Variants in WDR27 observed in about 807,000 individuals in gnomAD.
WDR27 encodes the protein WD repeat-containing protein 27.
WDR27 carries 100 observed loss-of-function variants against 114.4 expected under a neutral mutation model. That is an observed-to-expected ratio of 0.87 (90% confidence interval 0.74 to 1.03). The LOEUF (loss-of-function observed/expected upper bound fraction) is 1.03, where lower values mean the gene tolerates loss of function less well. Ranked by LOEUF, WDR27 falls within the 50% of genes least tolerant of loss-of-function variation. WDR27 has a pLI of 0.00. For missense variants in WDR27, 1,129 were observed against 1,092.9 expected, an observed-to-expected ratio of 1.03 and a Z score of -0.47; for synonymous variants, 449 against 423.1, an observed-to-expected ratio of 1.06 and a Z score of -0.75.
chr6:169,581,471 G>A (rs1484453423), intron 24 of WDR27, among the ~76,000 whole-genome samples: 1 of 152,216 alleles, frequency 6.6e-6, no homozygotes, highest in East Asian at 1.9e-4. Flanking sequence ...TGGAATAGGT[G>A]ATGGCACAAA....
At chr6:169,593,710 G>A (rs962328178) in intron 23 of WDR27, among the ~76,000 whole-genome samples, 4 of 152,170 alleles carry the variant, frequency 2.6e-5, no homozygotes, top group Admixed American at 1.3e-4. Context: ...ATAGCTGGGC[G>A]TGGTGGCGGG....
chr6:169,679,380 T>C (rs548110135), intron 2 of WDR27, among the ~76,000 whole-genome samples: 19 of 152,278 alleles, frequency 1.2e-4, no homozygotes, highest in East Asian at 3.9e-4. Context: ...AAGACATGAT[T>C]ATATTTTGCA....
intron 25 of WDR27, among the ~76,000 whole-genome samples, chr6:169,519,551 C>G (rs539671413): frequency 6.6e-6 from 1 of 152,070 alleles, no homozygotes; most frequent in South Asian, 2.1e-4. Context: ...ACTTAAACAA[C>G]CAGATCTCAT....
At chr6:169,635,805 A>G (rs1454106146) in intron 19 of WDR27, among the ~76,000 whole-genome samples, 1 of 152,232 alleles carries the variant, frequency 6.6e-6, no homozygotes, top group East Asian at 1.9e-4. Context: ...ATAAAATGAC[A>G]TGAATACACA....
At chr6:169,538,713 C>T (rs1387121322) in intron 25 of WDR27, among the ~76,000 whole-genome samples, 2 of 150,910 alleles carry the variant, frequency 1.3e-5, no homozygotes, top group Non-Finnish European at 3.0e-5. Context: ...TACACACACA[C>T]ACACACACAC....
At chr6:169,471,375 C>T (rs562615890) in intron 25 of WDR27, among the ~76,000 whole-genome samples, 60 of 152,100 alleles carry the variant, frequency 3.9e-4, no homozygotes, top group Admixed American at 1.0e-3. Context: ...GGGAAAGCTT[C>T]GTTTCAGAGA....
chr6:169,574,073 G>A (rs1374973022), intron 24 of WDR27, among the ~76,000 whole-genome samples: 2 of 152,254 alleles, frequency 1.3e-5, no homozygotes, highest in African/African-American at 4.8e-5. Context: ...AGCTGACAAC[G>A]CATCCCTAAG....
At chr6:169,517,461 T>A (rs965376173) in intron 25 of WDR27, among the ~76,000 whole-genome samples, 4 of 152,218 alleles carry the variant, frequency 2.6e-5, no homozygotes, top group African/African-American at 9.7e-5. Flanking sequence ...TGAGAGTCTA[T>A]AACTATTGTT....
At chr6:169,631,688 G>A (rs527819625) in intron 21 of WDR27, among the ~76,000 whole-genome samples, 1 of 152,266 alleles carries the variant, frequency 6.6e-6, no homozygotes, top group East Asian at 1.9e-4. Context: ...CTGAATCCCG[G>A]GGTCTCTCAT....
chr6:169,481,916 A>G (rs1788201343), intron 25 of WDR27, among the ~76,000 whole-genome samples: 1 of 152,238 alleles, frequency 6.6e-6, no homozygotes, highest in African/African-American at 2.4e-5. Context: ...TCTTGAAGTC[A>G]GGCAGACCAA....
At chr6:169,545,755 G>A (rs1797382361) in intron 25 of WDR27, among the ~76,000 whole-genome samples, 1 of 152,050 alleles carries the variant, frequency 6.6e-6, no homozygotes, top group Non-Finnish European at 1.5e-5. Flanking sequence ...TACAGAATTG[G>A]AGAAAATATT....
the WDR27 span, among the ~76,000 whole-genome samples, chr6:169,436,520 T>A: frequency 1.3e-5 from 2 of 152,124 alleles, no homozygotes; most frequent in South Asian, 4.1e-4. Context: ...ACACCTGATA[T>A]TCACATGCTG....
intron 13 of WDR27, among the ~76,000 whole-genome samples, chr6:169,654,810 G>C (rs1211841196): frequency 6.6e-6 from 1 of 152,096 alleles, no homozygotes; most frequent in Non-Finnish European, 1.5e-5. Flanking sequence ...GCGCTCAGGA[G>C]GAGGAGGGGC....
chr6:169,479,575 T>C (rs1028470683), intron 25 of WDR27, among the ~76,000 whole-genome samples: 1 of 152,220 alleles, frequency 6.6e-6, no homozygotes, highest in African/African-American at 2.4e-5. Context: ...GTGTTTATGA[T>C]ATAAAAATGA....
At position 169,668,152 on chromosome 6, in the gene WDR27, C is replaced by T; in HGVS notation, c.490G>A (p.Asp164Asn). ...GGGACTTTGTGGCGGTTATTAACAT[C>T]AGGACGTTCTATGTATGTCACAGAA... ...RFSVTYIERPDVNNRHKVPPP... is the reference protein window; with the variant it reads ...RFSVTYIERPNVNNRHKVPPP... The change falls in exon 5 of 26, where the codon GAT (aspartate) becomes AAT (asparagine). Residue 164 changes from aspartate (D) to asparagine (N), a missense_variant. Asp to Asn is a conservative substitution (Grantham distance 23, BLOSUM62 1). Coordinates refer to ENST00000448612, the MANE Select transcript of WDR27 (RefSeq NM_182552.5). The T allele has an allele frequency of 6.2e-7, 1 of 1,613,984 alleles. No individual in the cohort carries two copies. Among genetic ancestry groups the T allele is most frequent in the Non-Finnish European group, 8.5e-7 (1 of 1,179,876 alleles).
intron 23 of WDR27, among the ~76,000 whole-genome samples, chr6:169,589,855 C>G (rs748422161): frequency 1.1e-4 from 16 of 149,562 alleles, no homozygotes; most frequent in Non-Finnish European, 2.4e-4. Context: ...ATTCATGAAG[C>G]ACTTCACCCA....
At chr6:169,666,997 G>A (rs1469746494) in intron 6 of WDR27, 139 bp downstream of exon 6, 2 of 1,281,390 alleles carry the variant, frequency 1.6e-6, no homozygotes, top group East Asian at 6.2e-5. Context: ...GTGGACGGGA[G>A]TGAAGGGCTG....
At chr6:169,674,579 GC>G (rs542190543) in intron 2 of WDR27, among the ~76,000 whole-genome samples, 102 of 152,232 alleles carry the variant, frequency 6.7e-4, no homozygotes, top group Admixed American at 1.5e-3. Flanking sequence ...GTATCAGTGA[GC>G]TGTGGGAAAC....
chr6:169,613,519 G>A (rs773067275), intron 22 of WDR27, 40 bp downstream of exon 22: 1 of 1,521,484 alleles, frequency 6.6e-7, no homozygotes, highest in African/African-American at 1.4e-5. Context: ...TATCTCTTGA[G>A]CTCCCCACCC....
Sources: gnomAD v4.1 joint callset for allele counts (sites outside exome capture counted in the v4.1 genomes callset) on GRCh38, gnomAD v4.1.1 for gene constraint, MANE v1.5 for transcripts, NCBI Gene and HGNC (gene_info 2026-07-23, HGNC 2026-07-21) for gene names.